The following CNTN6 variants were observed in gnomAD, a reference collection of about 807,000 sequenced individuals.
CNTN6 encodes contactin-6.
A neutral mutation model predicts 122.8 loss-of-function variants in CNTN6; 137 were observed. The ratio of observed to expected loss-of-function variants is 1.12; its 90% CI spans 0.97 to 1.29. CNTN6 has a LOEUF of 1.29. Ranked by LOEUF, CNTN6 falls within the 50% of genes most tolerant of loss-of-function variation. CNTN6 has a pLI of 0.00. For synonymous variants in CNTN6, 570 were observed against 426.0 expected, an observed-to-expected ratio of 1.34 and a Z score of -4.16; for missense variants, 1,634 against 1,223.4, an observed-to-expected ratio of 1.34 and a Z score of -5.01.
In CNTN6 at chr3:1,295,538, A is replaced by G. The variant is rs544630468; in HGVS notation, c.455-63A>G. On this transcript the variant is annotated intron_variant, in intron 5 of 22. Transcript: ENST00000446702. ...GAAGTAAGACAAAGAATTTTCAGATATGAATGAATGCAGTAAGGACAGTAT... is the reference window on the plus strand; with the variant it reads ...GAAGTAAGACAAAGAATTTTCAGATGTGAATGAATGCAGTAAGGACAGTAT... The G allele has an allele frequency of 6.6e-5, 92 of 1,394,474 alleles. No individual in the cohort carries two copies. The African/African-American group carries it at 1.1e-3, about 17-fold the overall frequency. The allele number at this position is 1,394,474 out of a possible 1,614,324, so 86.4% of individuals were successfully genotyped here.
intron 2 of CNTN6, among the ~76,000 whole-genome samples, chr3:1,170,032 C>T (rs534486228): frequency 6.6e-6 from 1 of 151,976 alleles, no homozygotes; most frequent in East Asian, 1.9e-4. Context: ...GTCAGGAGTT[C>T]AAGACCAGCC....
intron 2 of CNTN6, among the ~76,000 whole-genome samples, chr3:1,189,062 C>T (rs530712446): frequency 3.3e-5 from 5 of 151,176 alleles, no homozygotes; most frequent in African/African-American, 9.7e-5. Flanking sequence ...CAAAACAAAA[C>T]AAAACAAAAA....
Position 1,158,865 on chromosome 3 carries a change from CACATATATAT to C in CNTN6, c.55+10806_55+10815del, listed in dbSNP as rs2093049092. ...ATATATATACATACATATATATACA[CACATATATAT>C]ACACATATATACACACATATATATA... is the stretch of plus-strand genomic sequence containing the variant. On this transcript the variant is annotated intron_variant, in intron 2 of 22. Coordinates refer to ENST00000446702, the MANE Select transcript of CNTN6 (RefSeq NM_001289080.2). Among the ~76,000 whole-genome samples, 11 of 30,110 alleles carry C rather than the reference CACATATATAT, an allele frequency of 3.7e-4. No individual in the cohort carries two copies. The East Asian group carries it at 4.8e-3, about 13-fold the overall frequency. 19.8% of individuals were successfully genotyped at this position (30,110 alleles called of 152,430 possible).
At chr3:1,107,657 G>A (rs1043787810) in intron 1 of CNTN6, among the ~76,000 whole-genome samples, 1 of 152,040 alleles carries the variant, frequency 6.6e-6, no homozygotes, top group African/African-American at 2.4e-5. Context: ...TCCAGGTGTG[G>A]TGGCTAATTT....
chr3:1,255,581 T>G (rs929935432), intron 4 of CNTN6, among the ~76,000 whole-genome samples: 4 of 152,116 alleles, frequency 2.6e-5, no homozygotes, highest in African/African-American at 7.2e-5. Context: ...ACAGTAGAGC[T>G]CCATACAATT....
chr3:1,184,491 G>A (rs1023861123), intron 2 of CNTN6, among the ~76,000 whole-genome samples: 2 of 152,094 alleles, frequency 1.3e-5, no homozygotes, highest in African/African-American at 4.8e-5. Context: ...AGATTAGTAT[G>A]TATCATAAAA....
chr3:1,200,008 G>A (rs2093838048), intron 2 of CNTN6, among the ~76,000 whole-genome samples: 1 of 152,098 alleles, frequency 6.6e-6, no homozygotes, highest in African/African-American at 2.4e-5. Context: ...CATAGATAAA[G>A]CGGTAGAAAA....
intron 16 of CNTN6, 137 bp from the exon 17 acceptor site, chr3:1,376,868 A>C: frequency 1.8e-6 from 1 of 567,294 alleles, no homozygotes. Flanking sequence ...AACATAATTT[A>C]CGTTCATTAA....
chr3:1,200,235 T>G (rs1411401419), intron 2 of CNTN6, among the ~76,000 whole-genome samples: 1 of 152,174 alleles, frequency 6.6e-6, no homozygotes, highest in Non-Finnish European at 1.5e-5. Context: ...GGTTTCACCA[T>G]GTTGACCAGA....
At chr3:1,131,629 A>G (rs1014625934) in intron 1 of CNTN6, among the ~76,000 whole-genome samples, 5 of 152,240 alleles carry the variant, frequency 3.3e-5, no homozygotes, top group Admixed American at 6.5e-5. Flanking sequence ...GGCAGTTAGC[A>G]CCTGGGAACC....
intron 12 of CNTN6, among the ~76,000 whole-genome samples, chr3:1,362,484 T>G (rs903886213): frequency 6.6e-6 from 1 of 152,118 alleles, no homozygotes; most frequent in African/African-American, 2.4e-5. Flanking sequence ...ATGGAAGTTC[T>G]AGAACTGACA....
At chr3:1,237,797 A>G (rs1053086969) in intron 4 of CNTN6, among the ~76,000 whole-genome samples, 3 of 152,196 alleles carry the variant, frequency 2.0e-5, no homozygotes, top group African/African-American at 7.2e-5. Flanking sequence ...ATCCAGTTAA[A>G]GTAAGCTTCA....
At chr3:1,130,778 A>C (rs2092315843) in intron 1 of CNTN6, among the ~76,000 whole-genome samples, 1 of 152,130 alleles carries the variant, frequency 6.6e-6, no homozygotes, top group Non-Finnish European at 1.5e-5. Flanking sequence ...AAATGTGCAC[A>C]TATGCAGACA....
chr3:1,221,075 C>A (rs547076642), intron 3 of CNTN6, among the ~76,000 whole-genome samples: 11 of 151,994 alleles, frequency 7.2e-5, no homozygotes, highest in Non-Finnish European at 1.5e-4. Context: ...ATGTCTCTGT[C>A]TTATTGATTA....
At chr3:1,344,255 T>C (rs964286899) in intron 11 of CNTN6, among the ~76,000 whole-genome samples, 1 of 152,146 alleles carries the variant, frequency 6.6e-6, no homozygotes, top group African/African-American at 2.4e-5. Context: ...TGGATGATTG[T>C]ATCTTACTGC....
intron 4 of CNTN6, among the ~76,000 whole-genome samples, chr3:1,275,728 A>G (rs74572102): frequency 0.031 from 4,740 of 152,264 alleles, 109 homozygotes; most frequent in South Asian, 0.065. Context: ...GGAGTGTGCA[A>G]CTTGGATCCC....
At chr3:1,319,576 A>T (rs114543931) in intron 7 of CNTN6, among the ~76,000 whole-genome samples, 1,694 of 151,712 alleles carry the variant, frequency 0.011, 31 homozygotes, top group African/African-American at 0.039. Context: ...CTAAGAGCAG[A>T]GGGAAAAATA....
chr3:1,147,933 G>GTC lies in CNTN6; in HGVS notation c.-76_-75insTC. On this transcript the variant is annotated 5_prime_UTR_variant, in exon 2 of 23. Transcript: ENST00000446702. Reference sequence around the variant, plus strand: ...ACAATTTTGTCTTTTTCAGACTCTTGAGATACTGACTGGAAGATAGACTGT... The same window carrying GTC: ...ACAATTTTGTCTTTTTCAGACTCTTGTCAGATACTGACTGGAAGATAGACTGT... 1.9e-6 allele frequency: 2 copies of GTC among 1,027,164 alleles called. No individual in the cohort carries two copies. Among genetic ancestry groups the GTC allele is most frequent in the Non-Finnish European group, 3.0e-6 (2 of 656,628 alleles). The allele number at this position is 1,027,164 out of a possible 1,614,324, so 63.6% of individuals were successfully genotyped here.
At chr3:1,366,165 A>G (rs1708185977) in intron 12 of CNTN6, among the ~76,000 whole-genome samples, 1 of 152,172 alleles carries the variant, frequency 6.6e-6, no homozygotes. Context: ...AAATTTTAAA[A>G]CCACTAGATC....
Sources: allele counts gnomAD v4.1 joint callset (sites outside exome capture counted in the v4.1 genomes callset), GRCh38; gene constraint gnomAD v4.1.1; transcripts MANE v1.5; gene names NCBI Gene and HGNC (gene_info 2026-07-23, HGNC 2026-07-21).